The following EXOC4 variants were observed in gnomAD, a reference collection of about 807,000 sequenced individuals.
EXOC4 encodes SEC8-like 1.
EXOC4 carries 71 observed loss-of-function variants against 107.2 expected under a neutral mutation model. The observed-to-expected ratio is 0.66, with a 90% CI of 0.55 to 0.81. The LOEUF is 0.81. Ranked by LOEUF, EXOC4 falls within the 30% of genes least tolerant of loss-of-function variation. EXOC4 has a pLI of 0.00. For synonymous variants in EXOC4, 456 were observed against 441.2 expected, an observed-to-expected ratio of 1.03 and a Z score of -0.42; for missense variants, 1,108 against 1,189.6, an observed-to-expected ratio of 0.93 and a Z score of 1.01.
At chr7:133,381,192 A>C (rs1796611635) in intron 7 of EXOC4, among the ~76,000 whole-genome samples, 1 of 152,190 alleles carries the variant, frequency 6.6e-6, no homozygotes, top group African/African-American at 2.4e-5. Flanking sequence ...ATTGTTATAT[A>C]ACTTTTAAAT....
At chr7:134,012,814 A>G (rs1484250682) in intron 17 of EXOC4, among the ~76,000 whole-genome samples, 1 of 152,218 alleles carries the variant, frequency 6.6e-6, no homozygotes, top group Non-Finnish European at 1.5e-5. Context: ...GCGAAGAACC[A>G]GCAGAGGAAG....
intron 10 of EXOC4, among the ~76,000 whole-genome samples, chr7:133,632,830 TTCTTTAGA>T (rs528621360): frequency 0.021 from 3,197 of 152,188 alleles, 118 homozygotes; most frequent in African/African-American, 0.073. Flanking sequence ...ATGTTTTCTA[TTCTTTAGA>T]ATGGTCATTG....
chr7:133,436,221 C>G (rs1336830468), intron 7 of EXOC4, among the ~76,000 whole-genome samples: 1 of 152,122 alleles, frequency 6.6e-6, no homozygotes, highest in African/African-American at 2.4e-5. Context: ...CTTCCTTGTA[C>G]TGCCTTCTGA....
intron 9 of EXOC4, among the ~76,000 whole-genome samples, chr7:133,497,956 T>C (rs1799510265): frequency 2.0e-5 from 3 of 152,152 alleles, no homozygotes; most frequent in Non-Finnish European, 4.4e-5. Flanking sequence ...TAGTATGAGA[T>C]ACCCATTTTG....
intron 10 of EXOC4, among the ~76,000 whole-genome samples, chr7:133,725,284 G>C (rs745884960): frequency 6.6e-6 from 1 of 152,220 alleles, no homozygotes; most frequent in Admixed American, 6.5e-5. Flanking sequence ...AAAGCAGGGA[G>C]AAGCCTTAGG....
At chr7:133,588,747 G>T (rs1436223052) in intron 9 of EXOC4, among the ~76,000 whole-genome samples, 1 of 152,054 alleles carries the variant, frequency 6.6e-6, no homozygotes, top group African/African-American at 2.4e-5. Flanking sequence ...ACAAAAATTA[G>T]CTGGGCATGG....
chr7:133,739,177 T>A (rs958103094), intron 10 of EXOC4, among the ~76,000 whole-genome samples: 14 of 151,724 alleles, frequency 9.2e-5, no homozygotes, highest in Admixed American at 6.6e-4. Context: ...GCATTGAAGT[T>A]TATCGTGACA....
At chr7:134,059,085 A>G (rs1795995663) in intron 17 of EXOC4, among the ~76,000 whole-genome samples, 1 of 152,148 alleles carries the variant, frequency 6.6e-6, no homozygotes, top group Non-Finnish European at 1.5e-5. Flanking sequence ...GCAAAAGGCA[A>G]AGCTTTCCTC....
chr7:133,695,117 C>G (rs1038489097), intron 10 of EXOC4, among the ~76,000 whole-genome samples: 1 of 152,126 alleles, frequency 6.6e-6, no homozygotes, highest in Admixed American at 6.6e-5. Context: ...CCACTGCGCC[C>G]GGCCCCCACT....
At chr7:133,266,491 C>G (rs1002693671) in intron 1 of EXOC4, among the ~76,000 whole-genome samples, 14 of 152,200 alleles carry the variant, frequency 9.2e-5, no homozygotes, top group South Asian at 8.3e-4. Flanking sequence ...TCTTGAGGCT[C>G]GGGCAAGAGC....
At chr7:133,535,142 A>G (rs1156419368) in intron 9 of EXOC4, among the ~76,000 whole-genome samples, 2 of 152,172 alleles carry the variant, frequency 1.3e-5, no homozygotes, top group African/African-American at 4.8e-5. Flanking sequence ...AGCCCACTGT[A>G]AAACTGAATG....
intron 9 of EXOC4, among the ~76,000 whole-genome samples, chr7:133,567,095 A>C (rs12533546): frequency 0.62 from 94,824 of 151,944 alleles, 30,771 homozygotes; most frequent in South Asian, 0.73. Flanking sequence ...TAGGCAATAC[A>C]TTCCCATGCT....
At chr7:133,854,408 G>GCGCACACA (rs149648016) in intron 11 of EXOC4, among the ~76,000 whole-genome samples, 36 of 139,570 alleles carry the variant, frequency 2.6e-4, no homozygotes, top group African/African-American at 9.1e-4. Context: ...TGTTGAAAGA[G>GCGCACACA]CACACACACA....
At chr7:133,336,444 T>G (rs550808465) in intron 5 of EXOC4, among the ~76,000 whole-genome samples, 1 of 152,154 alleles carries the variant, frequency 6.6e-6, no homozygotes, top group Non-Finnish European at 1.5e-5. Flanking sequence ...GTAGTACCAG[T>G]CTGCATTCCC....
intron 9 of EXOC4, among the ~76,000 whole-genome samples, chr7:133,499,779 C>G (rs1799543049): frequency 6.6e-6 from 1 of 152,068 alleles, no homozygotes; most frequent in Non-Finnish European, 1.5e-5. Flanking sequence ...CTTGCTCATG[C>G]CATGTAAGAA....
chr7:133,397,199 G>A (rs146899685), intron 7 of EXOC4, among the ~76,000 whole-genome samples: 12 of 150,256 alleles, frequency 8.0e-5, no homozygotes, highest in African/African-American at 2.4e-4. Context: ...CGTGATCTTC[G>A]GCTCACCGCA....
intron 10 of EXOC4, among the ~76,000 whole-genome samples, chr7:133,772,547 AT>A (rs1796266405): frequency 3.3e-5 from 5 of 151,692 alleles, no homozygotes; most frequent in African/African-American, 1.2e-4. Context: ...AAAACCTTAA[AT>A]TTGAATAATT....
At chr7:133,672,250 G>A (rs998931649) in intron 10 of EXOC4, among the ~76,000 whole-genome samples, 1 of 151,938 alleles carries the variant, frequency 6.6e-6, no homozygotes, top group African/African-American at 2.4e-5. Flanking sequence ...AATTAGCCGG[G>A]CGTGGTGGCG....
chr7:133,309,670 A>G (rs745428620), intron 4 of EXOC4, among the ~76,000 whole-genome samples: 65 of 152,258 alleles, frequency 4.3e-4, no homozygotes, highest in Middle Eastern at 3.4e-3. Flanking sequence ...CCGGGCGTGG[A>G]GGCTCACGCC....
Sources: gnomAD v4.1 joint callset for allele counts (sites outside exome capture counted in the v4.1 genomes callset) on GRCh38, gnomAD v4.1.1 for gene constraint, MANE v1.5 for transcripts, NCBI Gene and HGNC (gene_info 2026-07-23, HGNC 2026-07-21) for gene names.